FHIT: variants seen among roughly 807,000 people sequenced by gnomAD.
FHIT encodes the protein bis(5'-adenosyl)-triphosphatase.
In FHIT, 19 loss-of-function variants were observed where a neutral mutation model predicts 17.9. The ratio of observed to expected loss-of-function variants is 1.06; its 90% confidence interval spans 0.74 to 1.56. FHIT has a LOEUF of 1.56. Among genes scored for constraint, FHIT ranks in the 40% most tolerant of loss-of-function variants. FHIT has a pLI of 0.00. For missense variants in FHIT, 248 were observed against 189.2 expected (o/e 1.31, Z -1.82); for synonymous variants, 81 against 69.7 (o/e 1.16, Z -0.81).
intron 7 of FHIT, among the ~76,000 whole-genome samples, chr3:60,010,942 G>A (rs11130745): frequency 0.049 from 7,421 of 152,160 alleles, 790 homozygotes; most frequent in East Asian, 0.47. Flanking sequence ...TGCTACTGCT[G>A]CGGTTATTGC....
chr3:59,808,108 G>A (rs1232176149), intron 8 of FHIT, among the ~76,000 whole-genome samples: 2 of 152,084 alleles, frequency 1.3e-5, no homozygotes, highest in African/African-American at 4.8e-5. Flanking sequence ...CCCAGTCCCT[G>A]GCAACCACTT....
intron 5 of FHIT, among the ~76,000 whole-genome samples, chr3:60,525,321 T>C (rs1158876499): frequency 2.0e-5 from 3 of 152,216 alleles, no homozygotes; most frequent in African/African-American, 7.2e-5. Flanking sequence ...CTAACCATCC[T>C]GTTTTGAACC....
At chr3:59,801,018 G>A (rs1699972300) in intron 8 of FHIT, among the ~76,000 whole-genome samples, 1 of 152,216 alleles carries the variant, frequency 6.6e-6, no homozygotes, top group Non-Finnish European at 1.5e-5. Flanking sequence ...ATTGGGTAGG[G>A]AAAGATCTTG....
At chr3:60,800,025 C>A (rs1373276746) in intron 4 of FHIT, among the ~76,000 whole-genome samples, 5 of 152,108 alleles carry the variant, frequency 3.3e-5, no homozygotes, top group Admixed American at 6.5e-5. Context: ...TGGATAGGCA[C>A]ATTCTGGACC....
At chr3:60,176,684 G>A (rs976395205) in intron 5 of FHIT, among the ~76,000 whole-genome samples, 1 of 152,164 alleles carries the variant, frequency 6.6e-6, no homozygotes, top group Non-Finnish European at 1.5e-5. Context: ...AAGACTTGGA[G>A]AGTCAGGCCT....
chr3:60,123,962 CTAAAAATATATATATATATATATATA>C (rs1705375061), intron 5 of FHIT, among the ~76,000 whole-genome samples: 11 of 63,306 alleles, frequency 1.7e-4, no homozygotes, highest in African/African-American at 7.4e-4. Context: ...CAGAAATGCA[CTAAAAATATATATATATATATATATA>C]TATATATATA....
At chr3:59,970,824 G>A (rs113056248) in intron 7 of FHIT, among the ~76,000 whole-genome samples, 1 of 135,186 alleles carries the variant, frequency 7.4e-6, no homozygotes, top group South Asian at 2.6e-4. Flanking sequence ...AAACCTGCAC[G>A]TCCCACTCCA....
intron 1 of FHIT, among the ~76,000 whole-genome samples, chr3:61,220,147 T>G (rs1375697731): frequency 6.6e-6 from 1 of 152,236 alleles, no homozygotes. Flanking sequence ...CAGCCCTCGT[T>G]TTCATTTTTA....
chr3:60,159,873 A>C (rs1002154416), intron 5 of FHIT, among the ~76,000 whole-genome samples: 1 of 152,158 alleles, frequency 6.6e-6, no homozygotes, highest in Non-Finnish European at 1.5e-5. Context: ...CCTCACACTC[A>C]ACAGCGGCTC....
intron 3 of FHIT, among the ~76,000 whole-genome samples, chr3:60,847,807 T>C (rs1553747025): frequency 6.6e-6 from 1 of 152,168 alleles, no homozygotes; most frequent in Admixed American, 6.5e-5. Context: ...AGTCGACATT[T>C]CTGTGATACA....
chr3:60,966,003 C>T (rs560524540), intron 3 of FHIT, among the ~76,000 whole-genome samples: 15 of 152,320 alleles, frequency 9.8e-5, no homozygotes, highest in African/African-American at 3.6e-4. Context: ...GAAGTTTCTG[C>T]TGCCTTTTTT....
chr3:60,109,286 T>C (rs1166750162), intron 5 of FHIT, among the ~76,000 whole-genome samples: 1 of 152,216 alleles, frequency 6.6e-6, no homozygotes, highest in Admixed American at 6.5e-5. Flanking sequence ...TCAGTTAATG[T>C]CATTCACACA....
chr3:60,512,235 G>C (rs17610429), intron 5 of FHIT, among the ~76,000 whole-genome samples: 27,390 of 152,062 alleles, frequency 0.18, 2,451 homozygotes, highest in Admixed American at 0.21. Context: ...GTAATAAGTA[G>C]CATCCTGAAT....
At chr3:60,691,726 T>A (rs2040996255) in intron 4 of FHIT, among the ~76,000 whole-genome samples, 1 of 152,218 alleles carries the variant, frequency 6.6e-6, no homozygotes, top group Non-Finnish European at 1.5e-5. Context: ...AATTGTGTTA[T>A]GACATTCTGG....
intron 4 of FHIT, among the ~76,000 whole-genome samples, chr3:60,565,848 A>C (rs938970177): frequency 6.6e-6 from 1 of 151,958 alleles, no homozygotes; most frequent in African/African-American, 2.4e-5. Context: ...TTTAATTGTG[A>C]TGTTAGGGTG....
chr3:59,792,001 T>C (rs1699583588), intron 8 of FHIT, among the ~76,000 whole-genome samples: 1 of 77,128 alleles, frequency 1.3e-5, no homozygotes, highest in Non-Finnish European at 3.1e-5. Flanking sequence ...GCTATGGTAG[T>C]CTATGTCTTG....
intron 2 of FHIT, among the ~76,000 whole-genome samples, chr3:61,102,459 T>C (rs975419890): frequency 1.3e-5 from 2 of 152,234 alleles, no homozygotes; most frequent in Admixed American, 6.5e-5. Flanking sequence ...GGTTTGCCAG[T>C]ATTTTATTGA....
intron 5 of FHIT, among the ~76,000 whole-genome samples, chr3:60,427,591 G>C (rs987298504): frequency 2.0e-5 from 3 of 151,986 alleles, no homozygotes; most frequent in African/African-American, 4.8e-5. Context: ...CTTTTCCTCT[G>C]GCTGTTTTTT....
chr3:60,690,284 C>G, intron 4 of FHIT: 1 of 553,392 alleles, frequency 1.8e-6, no homozygotes, highest in South Asian at 1.4e-5. Flanking sequence ...TTCCTGAACA[C>G]AAAGCGCTCC....
Sources: gnomAD v4.1 joint callset for allele counts (sites outside exome capture counted in the v4.1 genomes callset) on GRCh38, gnomAD v4.1.1 for gene constraint, MANE v1.5 for transcripts, NCBI Gene and HGNC (gene_info 2026-07-23, HGNC 2026-07-21) for gene names.